Variants in UBR7 observed in about 807,000 individuals in gnomAD.
The protein encoded by UBR7 is ubiquitin protein ligase E3 component n-recognin 7, also known as putative E3 ubiquitin-protein ligase UBR7.
A neutral mutation model predicts 57.0 loss-of-function variants in UBR7; 22 were observed. That is an observed-to-expected ratio of 0.39 (90% CI 0.28 to 0.55). The LOEUF (loss-of-function observed/expected upper bound fraction) is 0.55, where lower values mean the gene tolerates loss of function less well. Among genes scored for constraint, UBR7 ranks in the 20% least tolerant of loss-of-function variants. The pLI is 0.69. For synonymous variants in UBR7, 167 were observed against 179.8 expected, an observed-to-expected ratio of 0.93 and a Z score of 0.57; for missense variants, 395 against 513.2, an observed-to-expected ratio of 0.77 and a Z score of 2.23.
At chr14:93,211,392 A>G (rs923303682) in intron 3 of UBR7, among the ~76,000 whole-genome samples, 1 of 148,366 alleles carries the variant, frequency 6.7e-6, no homozygotes, top group Non-Finnish European at 1.5e-5. Flanking sequence ...CTAAAAATAC[A>G]AAAAATTATC....
chr14:93,212,043 G>A lies in UBR7; in HGVS notation c.357G>A (p.Lys119=), dbSNP rs755945564. The part of the protein sequence containing the change: ...LECKLLPDKA[K]VNSGNKYNDN... ...ATATTATATTTCAGGACAAAGCAAA[G>A]GTAAATTCTGGCAATAAGTACAATG... is the stretch of plus-strand genomic sequence containing the variant. The change falls in exon 4 of 11, where the codon AAG becomes AAA. Residue 119 remains lysine, a synonymous_variant. Coordinates refer to ENST00000013070, the MANE Select transcript of UBR7 (RefSeq NM_175748.4). 1.2e-6 allele frequency: 2 copies of A among 1,611,408 alleles called. No individual in the cohort carries two copies. The highest frequency in any genetic ancestry group is 4.5e-5 in the East Asian group (2 of 44,834).
intron 4 of UBR7, among the ~76,000 whole-genome samples, chr14:93,214,041 C>G (rs921271915): frequency 6.6e-6 from 1 of 152,174 alleles, no homozygotes; most frequent in African/African-American, 2.4e-5. Context: ...ATTCTTCTGC[C>G]TCAGCCTCCT....
At chr14:93,213,540 C>T (rs1439128720) in intron 4 of UBR7, among the ~76,000 whole-genome samples, 1 of 152,154 alleles carries the variant, frequency 6.6e-6, no homozygotes, top group Non-Finnish European at 1.5e-5. Flanking sequence ...ATCTCCTGAC[C>T]TCATGATCCG....
At chr14:93,212,534 C>G (rs1029796) in intron 4 of UBR7, among the ~76,000 whole-genome samples, 22,676 of 152,190 alleles carry the variant, frequency 0.15, 2,127 homozygotes, top group East Asian at 0.43. Flanking sequence ...CGAGTTCTTC[C>G]TCACTTCTGC....
chr14:93,209,735 T>A (rs939684743), intron 1 of UBR7, 89 bp from the exon 2 acceptor site: 1 of 1,486,484 alleles, frequency 6.7e-7, no homozygotes, highest in African/African-American at 1.4e-5. Flanking sequence ...ACAGATAATC[T>A]GATTTTAATT....
Position 93,219,365 on chromosome 14 carries a change from A to AAT in UBR7, c.960+5_960+6insTA. On this transcript the variant is annotated splice_donor_region_variant and intron_variant, in intron 8 of 10. Coordinates refer to ENST00000013070, the MANE Select transcript of UBR7 (RefSeq NM_175748.4). ...GTGTACCTGCCAAGACTGTATGGTAAAGTATCTGATTGTGCTCAGTGTTAG... is the reference window on the plus strand; with the variant it reads ...GTGTACCTGCCAAGACTGTATGGTAAATAGTATCTGATTGTGCTCAGTGTTAG... The AAT allele has an allele frequency of 1.2e-6, 2 of 1,614,172 alleles. No individual in the cohort carries two copies. The highest frequency in any genetic ancestry group is 1.7e-6 in the Non-Finnish European group (2 of 1,180,022).
intron 4 of UBR7, among the ~76,000 whole-genome samples, chr14:93,214,076 G>A (rs1012855102): frequency 1.3e-5 from 2 of 152,072 alleles, no homozygotes; most frequent in South Asian, 2.1e-4. Context: ...ACAGGCACTC[G>A]CCACCATGCC....
intron 10 of UBR7, among the ~76,000 whole-genome samples, chr14:93,224,507 T>G (rs1408215614): frequency 6.6e-6 from 1 of 151,312 alleles, no homozygotes; most frequent in Non-Finnish European, 1.5e-5. Context: ...GCCTCCCAAG[T>G]AGCTGGACTA....
At chr14:93,220,153 T>G in intron 8 of UBR7, 96 bp from the exon 9 acceptor site, 1 of 1,313,300 alleles carries the variant, frequency 7.6e-7, no homozygotes, top group Non-Finnish European at 1.0e-6. Flanking sequence ...AAAAATTACA[T>G]TTTTAGTGAT....
intron 9 of UBR7, 127 bp downstream of exon 9, chr14:93,220,538 C>A: frequency 8.8e-7 from 1 of 1,135,416 alleles, no homozygotes; most frequent in Non-Finnish European, 1.3e-6. Flanking sequence ...TAGACCATTG[C>A]TTGATTTTCA....
chr14:93,224,135 T>A (rs930667972), intron 10 of UBR7: 4 of 712,338 alleles, frequency 5.6e-6, no homozygotes, highest in African/African-American at 5.3e-5. Flanking sequence ...GCCCGAGGCC[T>A]TCATGGCGTC....
intron 10 of UBR7, among the ~76,000 whole-genome samples, chr14:93,222,780 G>C (rs1177061064): frequency 6.6e-6 from 1 of 152,066 alleles, no homozygotes; most frequent in South Asian, 2.1e-4. Context: ...GTGGGTACTT[G>C]AGAGTTGAAT....
chr14:93,228,899 CA>C lies in UBR7; in HGVS notation c.*1865del, dbSNP rs1272790694. 4 of 453,976 alleles carry C rather than the reference CA, an allele frequency of 8.8e-6. No individual in the cohort carries two copies. In the East Asian group the frequency reaches 2.8e-4, roughly 31 times the overall value. The allele number at this position is 453,976 out of a possible 1,614,324, so 28.1% of individuals were successfully genotyped here. ...TTACGTGCAGCACAATAGTACCGAT[CA>C]GTTAACTCAGCGCTGAAGGGCTTGT... is the stretch of plus-strand genomic sequence containing the variant. On this transcript the variant is annotated 3_prime_UTR_variant, in exon 11 of 11. Coordinates refer to ENST00000013070, the MANE Select transcript of UBR7 (RefSeq NM_175748.4).
chr14:93,220,220 TTC>T lies in UBR7; in HGVS notation c.961-27_961-26del, dbSNP rs778718669. On this transcript the variant is annotated intron_variant, in intron 8 of 10. Transcript: ENST00000013070. ...ACAGTTCTAATGGGGAAACTCCTCT[TTC>T]TTTTTTTTTTTTTTTTTTCCCTAAA... The T allele has an allele frequency of 9.6e-6, 15 of 1,566,434 alleles. No individual in the cohort carries two copies. The African/African-American group carries it at 1.3e-4, about 13-fold the overall frequency.
chr14:93,221,899 C>A (rs1023824551), intron 9 of UBR7, among the ~76,000 whole-genome samples: 1 of 151,846 alleles, frequency 6.6e-6, no homozygotes, highest in Non-Finnish European at 1.5e-5. Flanking sequence ...TGCAGTGAGC[C>A]GAGATCGTGC....
intron 10 of UBR7, among the ~76,000 whole-genome samples, chr14:93,225,808 G>T (rs1190524169): frequency 6.6e-6 from 1 of 152,224 alleles, no homozygotes; most frequent in East Asian, 1.9e-4. Context: ...TTTGTGTGTT[G>T]TTAGGTCTCC....
In UBR7 at chr14:93,229,209, C is replaced by G; in HGVS notation, c.*2174C>G. ...CTGTAAAATTTAAATAAAACCAATA[C>G]AAAATAGTTGCTTTTCAGATTGTTT... On this transcript the variant is annotated 3_prime_UTR_variant, in exon 11 of 11. Coordinates refer to ENST00000013070, the MANE Select transcript of UBR7 (RefSeq NM_175748.4). The G allele has an allele frequency of 3.2e-6, 1 of 314,548 alleles. No homozygotes were observed. The highest frequency in any genetic ancestry group is 2.8e-5 in the South Asian group (1 of 35,868). The allele number at this position is 314,548 out of a possible 1,614,324, so 19.5% of individuals were successfully genotyped here.
intron 6 of UBR7, among the ~76,000 whole-genome samples, chr14:93,217,316 C>A (rs899352124): frequency 7.2e-5 from 11 of 152,196 alleles, no homozygotes; most frequent in Admixed American, 3.3e-4. Context: ...TGTGAGCTAC[C>A]ATACCCAGCT....
chr14:93,219,278 G>C lies in UBR7; in HGVS notation c.877G>C (p.Ala293Pro). ...TGGCTGCAAACTTCAGGAGCTTAAA[G>C]CTAAGCAGCTTATAAAGAAAGACAC... ...KSGCKLQELK[A>P]KQLIKKDTAT... The change falls in exon 8 of 11, where the codon GCT (alanine) becomes CCT (proline). Residue 293 changes from alanine (A) to proline (P), a missense_variant. By Grantham distance (27) the Ala-to-Pro change is conservative (BLOSUM62 -1). Coordinates refer to ENST00000013070, the MANE Select transcript of UBR7 (RefSeq NM_175748.4). 1 of 1,614,190 alleles carries C rather than the reference G, an allele frequency of 6.2e-7. No homozygotes were observed.
Sources: gnomAD v4.1 joint callset for allele counts (sites outside exome capture counted in the v4.1 genomes callset) on GRCh38, gnomAD v4.1.1 for gene constraint, MANE v1.5 for transcripts, NCBI Gene and HGNC (gene_info 2026-07-23, HGNC 2026-07-21) for gene names.